CEP128: variants seen among roughly 807,000 people sequenced by gnomAD.
The protein encoded by CEP128 is centrosomal protein 128kDa.
CEP128 carries 132 observed loss-of-function variants against 156.7 expected under a neutral mutation model. That is an observed-to-expected ratio of 0.84 (90% CI 0.73 to 0.97). CEP128 has a LOEUF of 0.97. CEP128 is among the 50% of genes least tolerant of loss of function. The probability of loss-of-function intolerance (pLI) is 0.00; values close to 1 mark genes in which losing one functional copy is unlikely to be tolerated. For synonymous variants in CEP128, 469 were observed against 448.9 expected (o/e 1.04, Z -0.57); for missense variants, 1,252 against 1,281.9 (o/e 0.98, Z 0.36).
At chr14:80,934,870 C>A (rs955432121) in intron 2 of CEP128, among the ~76,000 whole-genome samples, 1 of 152,072 alleles carries the variant, frequency 6.6e-6, no homozygotes, top group Non-Finnish European at 1.5e-5. Flanking sequence ...TGGTATATTA[C>A]TTGCTTACAT....
intron 2 of CEP128, among the ~76,000 whole-genome samples, chr14:80,947,121 T>A (rs1886364402): frequency 6.6e-6 from 1 of 152,304 alleles, no homozygotes; most frequent in East Asian, 1.9e-4. Context: ...TTAAACCTCT[T>A]TTCTTCACAA....
intron 13 of CEP128, among the ~76,000 whole-genome samples, chr14:80,808,068 G>A (rs767271970): frequency 6.6e-6 from 1 of 152,172 alleles, no homozygotes; most frequent in Non-Finnish European, 1.5e-5. Context: ...CTGGGACCAG[G>A]AGAAGTGACC....
At chr14:80,535,074 G>C (rs58249795) in intron 21 of CEP128, among the ~76,000 whole-genome samples, 1 of 151,990 alleles carries the variant, frequency 6.6e-6, no homozygotes. Flanking sequence ...TAGAAGTAGG[G>C]TCAAAGCAGA....
chr14:80,890,931 C>T (rs1376062283), intron 8 of CEP128, among the ~76,000 whole-genome samples: 2 of 152,040 alleles, frequency 1.3e-5, no homozygotes, highest in African/African-American at 4.8e-5. Context: ...AAACGGCAAA[C>T]AGGTATACAA....
At chr14:80,568,065 T>C (rs1278526009) in intron 20 of CEP128, among the ~76,000 whole-genome samples, 3 of 152,228 alleles carry the variant, frequency 2.0e-5, no homozygotes, top group Non-Finnish European at 4.4e-5. Flanking sequence ...ATGAGCAGGC[T>C]TGTGTCATGC....
intron 19 of CEP128, among the ~76,000 whole-genome samples, chr14:80,603,823 T>C (rs986329928): frequency 1.3e-5 from 2 of 152,178 alleles, no homozygotes; most frequent in Non-Finnish European, 2.9e-5. Flanking sequence ...AGACCATCAA[T>C]ATTCTCTCAG....
intron 19 of CEP128, among the ~76,000 whole-genome samples, chr14:80,676,161 T>C (rs1896051762): frequency 6.6e-6 from 1 of 152,158 alleles, no homozygotes; most frequent in African/African-American, 2.4e-5. Context: ...AACATCTCTA[T>C]GATACACAGT....
At chr14:80,523,084 G>A (rs1482168442) in intron 23 of CEP128, among the ~76,000 whole-genome samples, 1 of 152,198 alleles carries the variant, frequency 6.6e-6, no homozygotes, top group African/African-American at 2.4e-5. Flanking sequence ...AAGAGAACCT[G>A]ACTTGCTCAC....
intron 8 of CEP128, among the ~76,000 whole-genome samples, chr14:80,883,870 T>C (rs563590178): frequency 6.6e-6 from 1 of 152,102 alleles, no homozygotes; most frequent in Non-Finnish European, 1.5e-5. Flanking sequence ...AGAACTGGCA[T>C]AGAAACAGAA....
At chr14:80,488,123 C>T (rs974156619), downstream of CEP128, among the ~76,000 whole-genome samples, 7 of 135,844 alleles carry the variant, frequency 5.2e-5, no homozygotes, top group Admixed American at 8.2e-5. Flanking sequence ...ATCAATAGAT[C>T]GCTAGCAAGG....
chr14:80,698,217 T>A (rs1896954564), intron 19 of CEP128, among the ~76,000 whole-genome samples: 1 of 152,058 alleles, frequency 6.6e-6, no homozygotes, highest in Non-Finnish European at 1.5e-5. Context: ...GTGAGAGTAG[T>A]TTCTTCTTTC....
chr14:80,918,380 G>A (rs1183996086), intron 2 of CEP128, among the ~76,000 whole-genome samples: 2 of 152,096 alleles, frequency 1.3e-5, no homozygotes, highest in Non-Finnish European at 2.9e-5. Context: ...GTGAAAGCAG[G>A]AAAAATCAAC....
chr14:80,617,002 G>T (rs1893240731), intron 19 of CEP128, among the ~76,000 whole-genome samples: 1 of 152,002 alleles, frequency 6.6e-6, no homozygotes, highest in African/African-American at 2.4e-5. Flanking sequence ...TGGTCCCAGT[G>T]GAAATCACTC....
chr14:80,489,015 A>G (rs1428639314), downstream of CEP128, among the ~76,000 whole-genome samples: 4 of 151,642 alleles, frequency 2.6e-5, no homozygotes, highest in Non-Finnish European at 5.9e-5. Context: ...GGAAAGCATT[A>G]GGAGATATAC....
At chr14:80,747,546 C>T (rs1184314390) in intron 18 of CEP128, among the ~76,000 whole-genome samples, 1 of 152,176 alleles carries the variant, frequency 6.6e-6, no homozygotes, top group African/African-American at 2.4e-5. Context: ...CAATGGCTCA[C>T]GCCTGTAATC....
intron 19 of CEP128, among the ~76,000 whole-genome samples, chr14:80,583,167 AT>A (rs138977402): frequency 3.3e-4 from 50 of 152,354 alleles, no homozygotes; most frequent in African/African-American, 1.2e-3. Flanking sequence ...CATACGGGTC[AT>A]ACTACTCTTC....
At chr14:80,856,135 T>G (rs1365255874) in intron 9 of CEP128, among the ~76,000 whole-genome samples, 1 of 152,208 alleles carries the variant, frequency 6.6e-6, no homozygotes, top group Non-Finnish European at 1.5e-5. Context: ...TGGTTGTCCC[T>G]CAGAACAGAC....
rs1316295336 is a variant in CEP128, at chr14:80,656,275, TTA to T, written c.2807-75854_2807-75853del. Among the ~76,000 whole-genome samples, 33 of 44,548 alleles carry T rather than the reference TTA, an allele frequency of 7.4e-4. 2 individuals carry two copies. Among genetic ancestry groups the T allele is most frequent in the Non-Finnish European group, 6.6e-4 (15 of 22,734 alleles). The allele number at this position is 44,548 out of a possible 152,430, so 29.2% of individuals were successfully genotyped here. On this transcript the variant is annotated intron_variant, in intron 19 of 24. Coordinates refer to ENST00000555265, the MANE Select transcript of CEP128 (RefSeq NM_152446.5). ...AGTATTTCTCAATAAACCTAAGTTT[TTA>T]TTTATATATATATTTATATATATAT... is the stretch of plus-strand genomic sequence containing the variant.
chr14:80,820,367 C>T (rs1885099616), intron 13 of CEP128, among the ~76,000 whole-genome samples: 1 of 152,140 alleles, frequency 6.6e-6, no homozygotes, highest in South Asian at 2.1e-4. Flanking sequence ...TCATATCTTC[C>T]TCCCTAAAAC....
Sources: allele counts gnomAD v4.1 joint callset (sites outside exome capture counted in the v4.1 genomes callset), GRCh38; gene constraint gnomAD v4.1.1; transcripts MANE v1.5; gene names NCBI Gene and HGNC (gene_info 2026-07-23, HGNC 2026-07-21).